ACAD10: variants seen among roughly 807,000 people sequenced by gnomAD.
ACAD10 encodes ACAD-10.
Under a neutral mutation model 116.8 loss-of-function variants are expected in ACAD10, and 112 were observed. The observed-to-expected ratio is 0.96, with a 90% CI of 0.82 to 1.12. The LOEUF is 1.12. ACAD10 is among the 50% of genes most tolerant of loss of function. ACAD10 has a pLI of 0.00. For missense variants in ACAD10, 1,259 were observed against 1,350.2 expected, an observed-to-expected ratio of 0.93 and a Z score of 1.06; for synonymous variants, 486 against 510.6, an observed-to-expected ratio of 0.95 and a Z score of 0.65.
At chr12:111,746,411 G>A (rs1027446049) in intron 14 of ACAD10, 127 bp downstream of exon 14, 2 of 1,033,244 alleles carry the variant, frequency 1.9e-6, no homozygotes, top group African/African-American at 3.4e-5. Flanking sequence ...TTTTTGAGAT[G>A]GAGTCTCGCT....
At chr12:111,745,393 C>T (rs1261362371) in intron 13 of ACAD10, 10 of 342,708 alleles carry the variant, frequency 2.9e-5, no homozygotes, top group East Asian at 1.4e-4. Flanking sequence ...CTAGAGAACC[C>T]GTAATATCAC....
chr12:111,749,070 G>T (rs1377770064), intron 17 of ACAD10, 103 bp from the exon 18 acceptor site: 3 of 1,613,342 alleles, frequency 1.9e-6, no homozygotes, highest in Non-Finnish European at 8.5e-7. Context: ...TAAATAAAGG[G>T]CAGGGACATT....
chr12:111,720,127 A>G (rs144752992), intron 7 of ACAD10, among the ~76,000 whole-genome samples: 2,377 of 152,244 alleles, frequency 0.016, 70 homozygotes, highest in African/African-American at 0.054. Context: ...GCCTCCCAAA[A>G]TGCTGGGATT....
intron 13 of ACAD10, 121 bp downstream of exon 13, chr12:111,745,164 T>G: frequency 8.9e-7 from 1 of 1,125,396 alleles, no homozygotes; most frequent in Non-Finnish European, 1.2e-6. Context: ...TTGAATGATC[T>G]TTGCTTCCAT....
chr12:111,705,947 A>G lies in ACAD10; in HGVS notation c.531+15A>G, dbSNP rs1888489773. 6.2e-7 allele frequency: 1 copy of G among 1,612,316 alleles called. No individual in the cohort carries two copies. Reference sequence around the variant, plus strand: ...AGTTTGATGTGGTAAGCTTGAGCTAATTGAAAACCATTGGAACAGAATCTG... The same window carrying G: ...AGTTTGATGTGGTAAGCTTGAGCTAGTTGAAAACCATTGGAACAGAATCTG... On this transcript the variant is annotated intron_variant, in intron 4 of 20. Transcript: ENST00000313698.
Position 111,721,678 on chromosome 12 carries a change from A to G in ACAD10, c.1000A>G (p.Lys334Glu). 1 of 1,603,856 alleles carries G rather than the reference A, an allele frequency of 6.2e-7. No homozygotes were observed. The highest frequency in any genetic ancestry group is 8.5e-7 in the Non-Finnish European group (1 of 1,171,798). The change falls in exon 8 of 21, where the codon AAA (lysine) becomes GAA (glutamate). Residue 334 changes from lysine to glutamate, a missense_variant. Lys to Glu is a moderately conservative substitution (Grantham distance 56, BLOSUM62 1). Coordinates refer to ENST00000313698, the MANE Select transcript of ACAD10 (RefSeq NM_025247.6). ...TTTCATTTGTCCTTGCAGGATTATG[A>G]AAGCCCTTGCAAATGCTGGAGTACC... Reference protein sequence around the residue: ...HAIEREFRIMKALANAGVPVP... With the variant: ...HAIEREFRIMEALANAGVPVP...
intron 8 of ACAD10, among the ~76,000 whole-genome samples, chr12:111,723,651 C>T (rs1219783385): frequency 1.0e-3 from 154 of 147,572 alleles, no homozygotes; most frequent in African/African-American, 3.6e-3. Flanking sequence ...GGGCTGACCC[C>T]CCGACCTCCC....
intron 10 of ACAD10, among the ~76,000 whole-genome samples, chr12:111,732,422 G>A (rs1889415863): frequency 6.6e-6 from 1 of 152,078 alleles, no homozygotes; most frequent in Non-Finnish European, 1.5e-5. Flanking sequence ...TGGTATATAG[G>A]TACAGGTATA....
chr12:111,701,255 A>G (rs1195681968), intron 2 of ACAD10, among the ~76,000 whole-genome samples: 1 of 152,234 alleles, frequency 6.6e-6, no homozygotes, highest in Non-Finnish European at 1.5e-5. Flanking sequence ...TATTATAGAC[A>G]GAAAAAGCAA....
Position 111,692,767 on chromosome 12 carries a change from T to C in ACAD10, c.58T>C (p.Phe20Leu). 1 of 1,614,212 alleles carries C rather than the reference T, an allele frequency of 6.2e-7. No individual in the cohort carries two copies. The highest frequency in any genetic ancestry group is 8.5e-7 in the Non-Finnish European group (1 of 1,180,040). ...TCTCCAGTGGGTGTGGAGAACAGCCTTCCTGAAACACACCCAGCGCAGGCA... is the reference window on the plus strand; with the variant it reads ...TCTCCAGTGGGTGTGGAGAACAGCCCTCCTGAAACACACCCAGCGCAGGCA... ...PRLQWVWRTA[F>L]LKHTQRRHQG... Residue 20 changes from phenylalanine to leucine, a missense_variant, in exon 2 of 21, where the codon TTC (phenylalanine) becomes CTC (leucine). By Grantham distance (22) the Phe-to-Leu change is conservative (BLOSUM62 0). Coordinates refer to ENST00000313698, the MANE Select transcript of ACAD10 (RefSeq NM_025247.6).
chr12:111,714,115 C>T (rs1197016299), intron 6 of ACAD10, among the ~76,000 whole-genome samples: 1 of 150,202 alleles, frequency 6.7e-6, no homozygotes, highest in East Asian at 2.0e-4. Context: ...CATGGTGGCA[C>T]ATGCCTGTAG....
chr12:111,701,726 GT>G (rs1888354934), intron 2 of ACAD10, among the ~76,000 whole-genome samples: 1 of 152,160 alleles, frequency 6.6e-6, no homozygotes, highest in Non-Finnish European at 1.5e-5. Context: ...ACATTTCAGT[GT>G]ACTCACTCCA....
Position 111,748,286 on chromosome 12 carries a change from G to A in ACAD10, c.2486-31G>A, listed in dbSNP as rs748415184. 5.0e-6 allele frequency: 8 copies of A among 1,611,508 alleles called. No individual in the cohort carries two copies. The Admixed American group carries it at 6.7e-5, about 13-fold the overall frequency. ...AGATTTGATGGCCCTGGTGTCAGAT[G>A]ATGGGGTCTGTCTCTCTCCTTTCCT... On this transcript the variant is annotated intron_variant, in intron 16 of 20. Transcript: ENST00000313698.
In ACAD10 at chr12:111,744,980, G is replaced by A. The variant is rs556814252; in HGVS notation, c.2052G>A (p.Glu684=). ...MEQRVYPAEP[E]LQSHQASAAR... is the part of the protein sequence containing the mutation. Reference sequence around the variant, plus strand: ...AACGTGTGTACCCTGCAGAGCCAGAGCTGCAGAGTCACCAGGCCTCAGCAG... The same window carrying A: ...AACGTGTGTACCCTGCAGAGCCAGAACTGCAGAGTCACCAGGCCTCAGCAG... The change falls in exon 13 of 21, where the codon GAG becomes GAA. Residue 684 remains glutamate, a synonymous_variant. Coordinates refer to ENST00000313698, the MANE Select transcript of ACAD10 (RefSeq NM_025247.6). 8.1e-5 allele frequency: 131 copies of A among 1,614,006 alleles called. No homozygotes were observed. The highest frequency in any genetic ancestry group is 1.1e-4 in the Non-Finnish European group (125 of 1,180,058).
At chr12:111,750,705 C>G (rs906645891) in intron 18 of ACAD10, among the ~76,000 whole-genome samples, 1 of 152,192 alleles carries the variant, frequency 6.6e-6, no homozygotes, top group Non-Finnish European at 1.5e-5. Context: ...ATCCAGAAAA[C>G]TTTATTCGGC....
At chr12:111,728,272 T>C in intron 9 of ACAD10, 129 bp downstream of exon 9, 1 of 934,824 alleles carries the variant, frequency 1.1e-6, no homozygotes. Context: ...GCTTCTTCCT[T>C]GGAAATCCAG....
At chr12:111,715,177 C>T (rs1051861726) in intron 6 of ACAD10, among the ~76,000 whole-genome samples, 16 of 152,242 alleles carry the variant, frequency 1.1e-4, no homozygotes, top group African/African-American at 3.1e-4. Context: ...GAACTCAGGC[C>T]GAGTTCTGTT....
At chr12:111,702,121 G>C in intron 2 of ACAD10, 41 bp from the exon 3 acceptor site, 1 of 1,599,444 alleles carries the variant, frequency 6.3e-7, no homozygotes, top group Non-Finnish European at 8.5e-7. Context: ...ACCCCAGCAT[G>C]TATCAATGTA....
At chr12:111,736,718 G>A (rs1415844585) in intron 11 of ACAD10, 113 bp from the exon 12 acceptor site, 10 of 1,061,380 alleles carry the variant, frequency 9.4e-6, no homozygotes, top group African/African-American at 3.2e-5. Flanking sequence ...CATGGAACTG[G>A]TCGTGAAACT....
Sources: gnomAD v4.1 joint callset for allele counts (sites outside exome capture counted in the v4.1 genomes callset) on GRCh38, gnomAD v4.1.1 for gene constraint, MANE v1.5 for transcripts, NCBI Gene and HGNC (gene_info 2026-07-23, HGNC 2026-07-21) for gene names.